The following ADH7 variants were observed in gnomAD, a reference collection of about 807,000 sequenced individuals.
ADH7 encodes the protein all-trans-retinol dehydrogenase [NAD(+)] ADH7.
Under a neutral mutation model 34.4 loss-of-function variants are expected in ADH7, and 41 were observed. The observed-to-expected ratio is 1.19, with a 90% CI of 0.93 to 1.55. The LOEUF is 1.55. Ranked by LOEUF, ADH7 falls within the 40% of genes most tolerant of loss-of-function variation. ADH7 has a pLI of 0.00. For missense variants in ADH7, 540 were observed against 461.2 expected, an observed-to-expected ratio of 1.17 and a Z score of -1.56; for synonymous variants, 180 against 160.9, an observed-to-expected ratio of 1.12 and a Z score of -0.90.
At chr4:99,419,178 A>T in intron 6 of ADH7, 57 bp from the exon 7 acceptor site, 1 of 1,573,662 alleles carries the variant, frequency 6.4e-7, no homozygotes, top group South Asian at 1.2e-5. Context: ...GTGTGACATA[A>T]GCTCTGAAAT....
intron 7 of ADH7, 80 bp downstream of exon 7, chr4:99,418,906 T>TGAGGAAACAGGCTTCTCCCACTTGCCA (rs1446314317): frequency 9.1e-6 from 14 of 1,534,226 alleles, no homozygotes; most frequent in African/African-American, 1.4e-5. Context: ...AAGAAAGGCC[T>TGAGGAAACAGGCTTCTCCCACTTGCCA]GAGGAAACAG....
Position 99,412,863 on chromosome 4 carries a change from T to C in ADH7, c.*285A>G, listed in dbSNP as rs1721437721. Reference sequence around the variant, plus strand: ...TGGTTAAAACTCTTAAAAATCTCCATTTCAACATAGAAATCCAAGTGTATG... The same window carrying C: ...TGGTTAAAACTCTTAAAAATCTCCACTTCAACATAGAAATCCAAGTGTATG... On this transcript the variant is annotated 3_prime_UTR_variant, in exon 9 of 9. Coordinates refer to ENST00000437033, the MANE Select transcript of ADH7 (RefSeq NM_000673.7). 6.1e-6 allele frequency: 2 copies of C among 329,156 alleles called. No homozygotes were observed. Among genetic ancestry groups the C allele is most frequent in the Admixed American group, 4.6e-5 (1 of 21,666 alleles). 20.4% of individuals were successfully genotyped at this position (329,156 alleles called of 1,614,324 possible). A position where few individuals can be genotyped will look rare whatever the true frequency, so the allele number is the denominator to read the frequency against.
chr4:99,415,179 C>A (rs1441765434), intron 8 of ADH7, among the ~76,000 whole-genome samples: 1 of 152,110 alleles, frequency 6.6e-6, no homozygotes, highest in Non-Finnish European at 1.5e-5. Context: ...AAGAAGGTGC[C>A]TTGCTTCCTC....
Sources: allele counts gnomAD v4.1 joint callset (sites outside exome capture counted in the v4.1 genomes callset), GRCh38; gene constraint gnomAD v4.1.1; transcripts MANE v1.5; gene names NCBI Gene and HGNC (gene_info 2026-07-23, HGNC 2026-07-21).